The following CCDC13 variants were observed in gnomAD, a reference collection of about 807,000 sequenced individuals.
CCDC13 encodes coiled-coil domain-containing protein 13.
A neutral mutation model predicts 87.3 loss-of-function variants in CCDC13; 70 were observed. That is an observed-to-expected ratio of 0.80 (90% CI 0.66 to 0.98). The LOEUF is 0.98. Among genes scored for constraint, CCDC13 ranks in the 50% least tolerant of loss-of-function variants. CCDC13 has a pLI of 0.00. For synonymous variants in CCDC13, 317 were observed against 360.3 expected (o/e 0.88, Z 1.36); for missense variants, 842 against 892.0 (o/e 0.94, Z 0.71).
chr3:42,761,918 C>T (rs1311306619), intron 1 of CCDC13, among the ~76,000 whole-genome samples: 1 of 152,214 alleles, frequency 6.6e-6, no homozygotes, highest in Non-Finnish European at 1.5e-5. Context: ...AGGAGGAATA[C>T]TCTACCTACC....
chr3:42,712,952 C>T (rs559936046), intron 14 of CCDC13, among the ~76,000 whole-genome samples: 9 of 152,218 alleles, frequency 5.9e-5, no homozygotes, highest in Non-Finnish European at 1.3e-4. Context: ...CAGGGCCACA[C>T]GAGGCAATGG....
rs565411239 is a variant in CCDC13 at position 42,765,273 on chromosome 3, A to G, written c.-6-6922T>C. ...TGGCCCAACGGAGCCTCTGGGATAG[A>G]CAGTAATGCCTGCACTGAGAGGACA... On this transcript the variant is annotated intron_variant, in intron 1 of 15. Coordinates refer to ENST00000310232, the MANE Select transcript of CCDC13 (RefSeq NM_144719.4). Among the ~76,000 whole-genome samples, 66 of 152,328 alleles carry G rather than the reference A, an allele frequency of 4.3e-4. 1 individual carries two copies. The highest frequency in any genetic ancestry group is 1.6e-3 in the African/African-American group (65 of 41,572).
rs189357530 is a variant in CCDC13 at position 42,707,079 on chromosome 3, G to A, written c.*1901C>T. 4.3e-4 allele frequency among the ~76,000 whole-genome samples: 66 copies of A among 152,300 alleles called. No individual in the cohort carries two copies. Among genetic ancestry groups the A allele is most frequent in the Admixed American group, 1.2e-3 (18 of 15,300 alleles). ...CTCTGCACTTCCCTGAGGTGATCTT[G>A]AGGAAGGATGGCTGATCCTATGCCT... On this transcript the variant is annotated 3_prime_UTR_variant, in exon 16 of 16. Transcript: ENST00000310232.
intron 14 of CCDC13, 117 bp downstream of exon 14, chr3:42,713,045 G>A: frequency 8.3e-7 from 1 of 1,202,160 alleles, no homozygotes; most frequent in Non-Finnish European, 1.2e-6. Context: ...CCACCCTGAT[G>A]GAAGCTCTGC....
Position 42,758,312 on chromosome 3 carries a change from G to A in CCDC13, c.34C>T (p.Arg12Trp), listed in dbSNP as rs113601691. The change falls in exon 2 of 16, where the codon CGG (arginine) becomes TGG (tryptophan). Residue 12 changes from arginine to tryptophan, a missense_variant. By Grantham distance (101) the Arg-to-Trp change is moderately radical. Transcript: ENST00000310232. ...TCCTGCATTGCCTTGAACTGGAGCC[G>A]CAAAGTGTTCTGTGAGCTTTCATCT... Reference protein sequence around the residue: ...AADESSQNTLRLQFKAMQEMQ... With the variant: ...AADESSQNTLWLQFKAMQEMQ... 6.4e-5 allele frequency: 104 copies of A among 1,612,930 alleles called. No homozygotes were observed. In the African/African-American group the frequency reaches 6.7e-4, roughly 10 times the overall value.
In CCDC13 at chr3:42,713,336, G is replaced by C. The variant is rs373122697; in HGVS notation, c.1719-20C>G. The C allele has an allele frequency of 1.2e-6, 2 of 1,612,420 alleles. No individual in the cohort carries two copies. Among genetic ancestry groups the C allele is most frequent in the African/African-American group, 1.3e-5 (1 of 74,904 alleles). On this transcript the variant is annotated intron_variant, in intron 13 of 15. Coordinates refer to ENST00000310232, the MANE Select transcript of CCDC13 (RefSeq NM_144719.4). ...TCCACCCTGGTGATTAGAGAGGAGGGGATGCTACATGCCCTGGCAGGCAGG... is the reference window on the plus strand; with the variant it reads ...TCCACCCTGGTGATTAGAGAGGAGGCGATGCTACATGCCCTGGCAGGCAGG...
At chr3:42,742,510 C>T (rs1173772496) in intron 8 of CCDC13, among the ~76,000 whole-genome samples, 1 of 152,140 alleles carries the variant, frequency 6.6e-6, no homozygotes, top group Non-Finnish European at 1.5e-5. Flanking sequence ...AGATGCGGCC[C>T]CTGGTGTTGA....
intron 9 of CCDC13, 44 bp downstream of exon 9, chr3:42,739,590 G>A (rs1329498562): frequency 1.3e-6 from 2 of 1,582,690 alleles, no homozygotes; most frequent in South Asian, 2.3e-5. Flanking sequence ...ATCCTTTGAG[G>A]AACCACCCCT....
At chr3:42,752,902 G>C (rs956488492) in intron 3 of CCDC13, among the ~76,000 whole-genome samples, 185 bp from the exon 4 acceptor site, 1 of 152,162 alleles carries the variant, frequency 6.6e-6, no homozygotes, top group Non-Finnish European at 1.5e-5. Flanking sequence ...CCAATGAGTG[G>C]AAATGCAGCC....
intron 3 of CCDC13, among the ~76,000 whole-genome samples, chr3:42,754,480 T>C (rs976311131): frequency 1.3e-5 from 2 of 152,188 alleles, no homozygotes; most frequent in Admixed American, 1.3e-4. Flanking sequence ...AAAGGATCAC[T>C]GTGAAAATCA....
At chr3:42,717,836 C>T (rs547201378) in intron 13 of CCDC13, 2 of 152,334 alleles carry the variant, frequency 1.3e-5, no homozygotes, top group South Asian at 4.1e-4. Flanking sequence ...AGTTAGTCCC[C>T]TGTAGTTCTA....
At chr3:42,731,529 A>G (rs1272688439) in intron 12 of CCDC13, among the ~76,000 whole-genome samples, 1 of 152,134 alleles carries the variant, frequency 6.6e-6, no homozygotes, top group African/African-American at 2.4e-5. Flanking sequence ...AGAAATGCAG[A>G]ATCCCAGGCT....
At chr3:42,720,631 A>ATG (rs1272926050) in intron 13 of CCDC13, among the ~76,000 whole-genome samples, 4 of 152,244 alleles carry the variant, frequency 2.6e-5, no homozygotes, top group African/African-American at 7.2e-5. Context: ...AGTCATGGGA[A>ATG]TGTGGATTTT....
chr3:42,743,691 G>C (rs1005148996), intron 7 of CCDC13, among the ~76,000 whole-genome samples: 1 of 149,058 alleles, frequency 6.7e-6, no homozygotes, highest in Non-Finnish European at 1.5e-5. Context: ...GTAGAGACGG[G>C]GTTTCACCAT....
intron 1 of CCDC13, chr3:42,770,612 A>G (rs980147296): frequency 7.2e-5 from 11 of 152,316 alleles, no homozygotes; most frequent in African/African-American, 2.2e-4. Context: ...CAACCTGCTG[A>G]GGTCCCCTTC....
intron 10 of CCDC13, among the ~76,000 whole-genome samples, chr3:42,735,114 C>T (rs1698963596): frequency 6.6e-6 from 1 of 152,182 alleles, no homozygotes; most frequent in Admixed American, 6.5e-5. Context: ...GGTCCTGGGG[C>T]TTCCTGGAGG....
At position 42,724,083 on chromosome 3, in the gene CCDC13, T is replaced by C. The variant is rs540631711; in HGVS notation, c.1718+6384A>G. 2.6e-5 allele frequency among the ~76,000 whole-genome samples: 4 copies of C among 152,340 alleles called. No homozygotes were observed. In the East Asian group the frequency reaches 7.7e-4, roughly 29 times the overall value. On this transcript the variant is annotated intron_variant, in intron 13 of 15. Transcript: ENST00000310232. Reference sequence around the variant, plus strand: ...TGGGGGAGGGGCTTTCACTTTTCTGTTATGAATTTCAATAATGTATGCATT... The same window carrying C: ...TGGGGGAGGGGCTTTCACTTTTCTGCTATGAATTTCAATAATGTATGCATT...
intron 14 of CCDC13, among the ~76,000 whole-genome samples, chr3:42,711,242 T>C (rs1265955806): frequency 2.7e-5 from 2 of 74,092 alleles, no homozygotes; most frequent in Non-Finnish European, 4.8e-5. Context: ...TGAGACTCTG[T>C]CTCCAAAAAA....
At chr3:42,725,111 A>G (rs1427118731) in intron 13 of CCDC13, among the ~76,000 whole-genome samples, 1 of 152,252 alleles carries the variant, frequency 6.6e-6, no homozygotes, top group Non-Finnish European at 1.5e-5. Context: ...AAAGCAGATA[A>G]AAACAAGGAG....
Sources: allele counts gnomAD v4.1 joint callset (sites outside exome capture counted in the v4.1 genomes callset), GRCh38; gene constraint gnomAD v4.1.1; transcripts MANE v1.5; gene names NCBI Gene and HGNC (gene_info 2026-07-23, HGNC 2026-07-21).